The following TULP1 variants were observed in gnomAD, a reference collection of about 807,000 sequenced individuals.
TULP1 encodes the protein TUB like protein 1.
Under a neutral mutation model 67.1 loss-of-function variants are expected in TULP1, and 50 were observed. The observed-to-expected ratio is 0.75, with a 90% CI of 0.59 to 0.94. The LOEUF (loss-of-function observed/expected upper bound fraction) is 0.94, where lower values mean the gene tolerates loss of function less well. TULP1 is among the 40% of genes least tolerant of loss of function. The pLI is 0.00. For missense variants in TULP1, 746 were observed against 734.1 expected (o/e 1.02, Z -0.19); for synonymous variants, 297 against 294.0 (o/e 1.01, Z -0.11).
chr6:35,509,486 C>A (rs768445649), intron 7 of TULP1, 148 bp downstream of exon 7: 1 of 1,037,418 alleles, frequency 9.6e-7, no homozygotes, highest in South Asian at 1.3e-5. Context: ...GCTATCAAAG[C>A]GGGGGTCAAG....
chr6:35,505,914 A>G, intron 10 of TULP1, 61 bp from the exon 11 acceptor site: 1 of 1,614,118 alleles, frequency 6.2e-7, no homozygotes, highest in African/African-American at 1.3e-5. Flanking sequence ...GGTGGAGGTG[A>G]GCTGCAGGGA....
intron 13 of TULP1, among the ~76,000 whole-genome samples, chr6:35,501,811 CAAAACA>C (rs895346544): frequency 2.1e-4 from 32 of 152,294 alleles, no homozygotes; most frequent in African/African-American, 5.3e-4. Context: ...GACTCCGTCT[CAAAACA>C]AAAACAAAAA....
rs766181526 is a variant in TULP1, at chr6:35,503,808, C to T, written c.1153G>A (p.Gly385Arg). ...CTGTACCCACGCTGTGGGTTCTGCC[C>T]GTTGTCAAAGACCGTGAAGCGGTTC... ...LGNRFTVFDN[G>R]QNPQRGYSTN... Residue 385 changes from glycine to arginine, a missense_variant, in exon 12 of 15, where the codon GGG (glycine) becomes AGG (arginine). Gly to Arg is a moderately radical substitution (Grantham distance 125). Around this residue, in one of 3 missense-constraint regions of TULP1, gnomAD observed 383 missense variants for 374.1 expected, o/e 1.02. Transcript: ENST00000229771. The surrounding 1 kb of genome is among the most constrained non-coding windows in gnomAD (Gnocchi z 4.0). 4 of 1,612,936 alleles carry T rather than the reference C, an allele frequency of 2.5e-6. No individual in the cohort carries two copies. The highest frequency in any genetic ancestry group is 2.2e-5 in the East Asian group (1 of 44,848).
chr6:35,511,104 G>A (rs1253527010), intron 4 of TULP1, 94 bp from the exon 5 acceptor site: 1 of 1,573,256 alleles, frequency 6.4e-7, no homozygotes, highest in Non-Finnish European at 8.6e-7. Flanking sequence ...GTGGTGCATG[G>A]GCACCAGAAG....
In TULP1 at chr6:35,511,669, G is replaced by C; in HGVS notation, c.328C>G (p.Arg110Gly). 2 of 1,595,718 alleles carry C rather than the reference G, an allele frequency of 1.3e-6. No homozygotes were observed. The highest frequency in any genetic ancestry group is 1.3e-5 in the African/African-American group (1 of 74,608). Residue 110 changes from arginine to glycine, a missense_variant, in exon 4 of 15, where the codon CGT becomes GGT. Arg to Gly is a moderately radical substitution (Grantham distance 125). Coordinates refer to ENST00000229771, the MANE Select transcript of TULP1 (RefSeq NM_003322.6). ...RDPRETFLVA[R>G]APDAEDEEEE... is the part of the protein sequence containing the mutation. ...TCACCGTCCTCCGCGTCTGGGGCACGGGCTACCAGAAAGGTTTCCCGGGGG... is the reference window on the plus strand; with the variant it reads ...TCACCGTCCTCCGCGTCTGGGGCACCGGCTACCAGAAAGGTTTCCCGGGGG...
chr6:35,508,269 A>T (rs1483759153), intron 8 of TULP1, among the ~76,000 whole-genome samples: 1 of 152,210 alleles, frequency 6.6e-6, no homozygotes, highest in Non-Finnish European at 1.5e-5. Context: ...CTATGTTTGG[A>T]ACACGATGTG....
At chr6:35,500,702 C>A (rs1167071124) in intron 13 of TULP1, among the ~76,000 whole-genome samples, 1 of 152,152 alleles carries the variant, frequency 6.6e-6, no homozygotes, top group Non-Finnish European at 1.5e-5. Context: ...CCTTCCTGAC[C>A]CCCCATCTGA....
At position 35,511,769 on chromosome 6, in the gene TULP1, TG is replaced by T; in HGVS notation, c.227del (p.Pro76GlnfsTer33). 1 of 1,577,358 alleles carries T rather than the reference TG, an allele frequency of 6.3e-7. No individual in the cohort carries two copies. Among genetic ancestry groups the T allele is most frequent in the Non-Finnish European group, 8.6e-7 (1 of 1,161,474 alleles). On this transcript the variant is annotated frameshift_variant, in exon 4 of 15. Coordinates refer to ENST00000229771, the MANE Select transcript of TULP1 (RefSeq NM_003322.6). LOFTEE classifies it high-confidence loss of function. ...GCGGCGCCCGGGCCTGGGCTGGGTC[TG>T]GGGAAGGCTCCTCCCGCGGCCTCCC... is the stretch of plus-strand genomic sequence containing the variant. Reference protein sequence around the residue: ...RTGRPREEPSPDPAQARAPQT... With the variant: ...RTGRPREEPSXDPAQARAPQT...
chr6:35,506,326 C>G (rs1200248844), intron 8 of TULP1, 47 bp from the exon 9 acceptor site: 2 of 1,549,902 alleles, frequency 1.3e-6, no homozygotes, highest in Admixed American at 3.9e-5. Context: ...GGGGCCGCAT[C>G]CCTGGAGGCG....
chr6:35,511,548 A>G, intron 4 of TULP1, 100 bp downstream of exon 4: 1 of 1,524,582 alleles, frequency 6.6e-7, no homozygotes, highest in Non-Finnish European at 8.9e-7. Context: ...CTATTTGACT[A>G]CAGTTGTTTT....
Position 35,501,622 on chromosome 6 carries a change from G to A in TULP1, c.1324-1470C>T, listed in dbSNP as rs144283545. Among the ~76,000 whole-genome samples the A allele has an allele frequency of 2.6e-4, 37 of 142,204 alleles. No individual in the cohort carries two copies. In the East Asian group the frequency reaches 6.8e-3, roughly 26 times the overall value. The allele number at this position is 142,204 out of a possible 152,430, so 93.3% of individuals were successfully genotyped here. On this transcript the variant is annotated intron_variant, in intron 13 of 14. Transcript: ENST00000229771. ...AGGTCAGGAGTTCAAGACCAACCTGGCCATCATGGCAAAACCGCGTCTCTA... is the reference window on the plus strand; with the variant it reads ...AGGTCAGGAGTTCAAGACCAACCTGACCATCATGGCAAAACCGCGTCTCTA...
chr6:35,503,356 A>C lies in TULP1; in HGVS notation c.1323+203T>G. The stretch of plus-strand genomic sequence containing the variant: ...TGGATGTAATATATGAATTTGATGT[A>C]AACTCCAAAAACAACCAAAAAGCCC... On this transcript the variant is annotated intron_variant, in intron 13 of 14. Transcript: ENST00000229771. This position sits in a 1 kb window ranked among gnomAD's most constrained non-coding sequence, Gnocchi z 4.0. 1 of 604,484 alleles carries C rather than the reference A, an allele frequency of 1.7e-6. No individual in the cohort carries two copies. Among genetic ancestry groups the C allele is most frequent in the South Asian group, 2.0e-5 (1 of 50,776 alleles). 37.4% of individuals were successfully genotyped at this position (604,484 alleles called of 1,614,324 possible).
In TULP1 at chr6:35,498,818, CCCAG is replaced by C. The variant is rs1245260091; in HGVS notation, c.1496-362_1496-359del. Among the ~76,000 whole-genome samples, 1 of 152,158 alleles carries C rather than the reference CCCAG, an allele frequency of 6.6e-6. No individual in the cohort carries two copies. Among genetic ancestry groups the C allele is most frequent in the East Asian group, 1.9e-4 (1 of 5,194 alleles). On this transcript the variant is annotated intron_variant, in intron 14 of 14. Transcript: ENST00000229771. The surrounding 1 kb of genome is among the most constrained non-coding windows in gnomAD (Gnocchi z 6.7). ...TCTGGCCACAGTCTTTCCTCCTATCCCCAGCCACGAAGTCCCACCTTAGACCCCA... is the reference window on the plus strand; with the variant it reads ...TCTGGCCACAGTCTTTCCTCCTATCCCCACGAAGTCCCACCTTAGACCCCA...
At chr6:35,506,401 G>T in intron 8 of TULP1, 122 bp from the exon 9 acceptor site, 1 of 1,239,636 alleles carries the variant, frequency 8.1e-7, no homozygotes, top group Non-Finnish European at 1.2e-6. Flanking sequence ...GCTCTGGGGA[G>T]CTCTGTGATT....
chr6:35,512,796 T>C lies in TULP1; in HGVS notation c.47+16A>G. On this transcript the variant is annotated intron_variant, in intron 1 of 14. Coordinates refer to ENST00000229771, the MANE Select transcript of TULP1 (RefSeq NM_003322.6). ...CCCCCAGGGTTCAGGTGCCACGAAC[T>C]GGGGGCCTTCCAGACCTGTCAGAGG... The C allele has an allele frequency of 2.2e-6, 3 of 1,372,794 alleles. No homozygotes were observed. The highest frequency in any genetic ancestry group is 2.9e-6 in the Non-Finnish European group (3 of 1,028,988). The allele number at this position is 1,372,794 out of a possible 1,614,324, so 85.0% of individuals were successfully genotyped here. A position where few individuals can be genotyped will look rare whatever the true frequency, so the allele number is the denominator to read the frequency against.
At position 35,509,905 on chromosome 6, in the gene TULP1, G is replaced by C. The variant is rs372126191; in HGVS notation, c.523C>G (p.Pro175Ala). The C allele has an allele frequency of 3.0e-5, 49 of 1,613,842 alleles. No homozygotes were observed. In the Middle Eastern group the frequency reaches 9.9e-4, roughly 33 times the overall value. Residue 175 changes from proline to alanine, a missense_variant, in exon 6 of 15, where the codon CCA becomes GCA. Around this residue, in one of 3 missense-constraint regions of TULP1, gnomAD observed 359 missense variants for 341.9 expected, o/e 1.05. Coordinates refer to ENST00000229771, the MANE Select transcript of TULP1 (RefSeq NM_003322.6). The part of the protein sequence containing the change: ...PRGDLGSPDP[P>A]PKPLRVRNKE... ...TTCCTAACACGCAGAGGTTTCGGTGGGGGGTCAGGGCTTCCCAGGTCTCCT... is the reference window on the plus strand; with the variant it reads ...TTCCTAACACGCAGAGGTTTCGGTGCGGGGTCAGGGCTTCCCAGGTCTCCT...
At position 35,512,674 on chromosome 6, in the gene TULP1, TTTC is replaced by T. The variant is rs758147092; in HGVS notation, c.61_63del (p.Glu21del). ...CGCCGCGGGGCCTCCGGGCTCAGGC[TTTC>T]TTCTTCATGCCCACTGAGGGTAGCA... On this transcript the variant is annotated inframe_deletion, in exon 2 of 15. Transcript: ENST00000229771. The T allele has an allele frequency of 3.1e-6, 5 of 1,614,034 alleles. No individual in the cohort carries two copies. The highest frequency in any genetic ancestry group is 4.2e-6 in the Non-Finnish European group (5 of 1,180,004).
chr6:35,500,263 G>T, intron 13 of TULP1, 111 bp from the exon 14 acceptor site: 1 of 1,160,264 alleles, frequency 8.6e-7, no homozygotes, highest in African/African-American at 1.5e-5. Context: ...GTGTGGCCTG[G>T]ACATCTTCAT....
chr6:35,498,167 A>G lies in TULP1; in HGVS notation c.*160T>C, dbSNP rs1768741982. On this transcript the variant is annotated 3_prime_UTR_variant, in exon 15 of 15. Transcript: ENST00000229771. The surrounding 1 kb of genome is among the most constrained non-coding windows in gnomAD (Gnocchi z 6.7). ...GGCTCCTCCTGCCTCGGCCTGTGCC[A>G]GGCTGGGGAGAGGACGGAGGTCACC... The G allele has an allele frequency of 2.4e-6, 3 of 1,232,694 alleles. No homozygotes were observed. The South Asian group carries it at 4.4e-5, about 18-fold the overall frequency. 76.4% of individuals were successfully genotyped at this position (1,232,694 alleles called of 1,614,324 possible).
Sources: gnomAD v4.1 joint callset for allele counts (sites outside exome capture counted in the v4.1 genomes callset) on GRCh38, gnomAD v4.1.1 for gene constraint, gnomAD v4.1.1 regional missense constraint, Gnocchi (gnomAD v3.1) non-coding constraint, MANE v1.5 for transcripts, NCBI Gene and HGNC (gene_info 2026-07-23, HGNC 2026-07-21) for gene names.